The following PDP2 variants were observed in gnomAD, a reference collection of about 807,000 sequenced individuals.
The protein encoded by PDP2 is pyruvate dehydrogenase phosphatase catalytic subunit 2.
PDP2 carries 23 observed loss-of-function variants against 34.2 expected under a neutral mutation model. That is an observed-to-expected ratio of 0.67 (90% confidence interval 0.48 to 0.95). The LOEUF (loss-of-function observed/expected upper bound fraction) is 0.95, where lower values mean the gene tolerates loss of function less well. Ranked by LOEUF, PDP2 falls within the 40% of genes least tolerant of loss-of-function variation. The pLI is 0.00. For synonymous variants in PDP2, 275 were observed against 269.2 expected (o/e 1.02, Z -0.21); for missense variants, 571 against 659.6 (o/e 0.87, Z 1.47).
At chr16:66,881,195 A>G (rs976015485) in intron 1 of PDP2, among the ~76,000 whole-genome samples, 2 of 152,138 alleles carry the variant, frequency 1.3e-5, no homozygotes, top group African/African-American at 2.4e-5. Flanking sequence ...ATCACCCTGC[A>G]CCGCTGCCTG....
rs1241666505 is a variant in PDP2, at chr16:66,885,346, G to A, written c.1062G>A (p.Lys354=). 1 of 1,614,172 alleles carries A rather than the reference G, an allele frequency of 6.2e-7. No individual in the cohort carries two copies. The highest frequency in any genetic ancestry group is 8.5e-7 in the Non-Finnish European group (1 of 1,180,028). ...GGGCCTTTGGGGATGTTCAGCTGAA[G>A]TGGAGTAAAGAGTTGCAGCGCAGCA... The part of the protein sequence containing the change: ...PCRAFGDVQL[K]WSKELQRSIL... Residue 354 remains lysine, a synonymous_variant, in exon 2 of 2, where the codon AAG becomes AAA. Transcript: ENST00000311765. This position sits in a 1 kb window ranked among gnomAD's most constrained non-coding sequence, Gnocchi z 4.6.
chr16:66,882,120 A>C (rs1358548430), intron 1 of PDP2, among the ~76,000 whole-genome samples: 1 of 152,262 alleles, frequency 6.6e-6, no homozygotes, highest in Non-Finnish European at 1.5e-5. Context: ...TCTTATCAGG[A>C]AAGCCAGATT....
rs145527465 is a variant in PDP2 at position 66,884,551 on chromosome 16, C to T, written c.267C>T (p.Gly89=). 18 of 1,614,052 alleles carry T rather than the reference C, an allele frequency of 1.1e-5. No individual in the cohort carries two copies. The highest frequency in any genetic ancestry group is 2.7e-5 in the African/African-American group (2 of 74,912). ...PEQINEVLRA[G]ETTHKILDLE... is the part of the protein sequence containing the mutation. ...AGATAAATGAAGTGCTTCGAGCTGGCGAGACAACCCACAAGATTCTTGACC... is the reference window on the plus strand; with the variant it reads ...AGATAAATGAAGTGCTTCGAGCTGGTGAGACAACCCACAAGATTCTTGACC... Residue 89 remains glycine, a synonymous_variant, in exon 2 of 2, where the codon GGC becomes GGT. Transcript: ENST00000311765.
chr16:66,881,948 C>T (rs932219181), intron 1 of PDP2, among the ~76,000 whole-genome samples: 2 of 152,112 alleles, frequency 1.3e-5, no homozygotes, highest in South Asian at 2.1e-4. Context: ...TCCCAAAATG[C>T]TGAGATTATA....
In PDP2 at chr16:66,885,328, T is replaced by C; in HGVS notation, c.1044T>C (p.Phe348=). The C allele has an allele frequency of 6.2e-7, 1 of 1,614,004 alleles. No homozygotes were observed. The highest frequency in any genetic ancestry group is 8.5e-7 in the Non-Finnish European group (1 of 1,179,916). ...GCGTCCTCATCCCCTGCAGGGCCTT[T>C]GGGGATGTTCAGCTGAAGTGGAGTA... The part of the protein sequence containing the change: ...LLGVLIPCRA[F]GDVQLKWSKE... Residue 348 remains phenylalanine, a synonymous_variant, in exon 2 of 2, where the codon TTT becomes TTC. Transcript: ENST00000311765. The surrounding 1 kb of genome is among the most constrained non-coding windows in gnomAD (Gnocchi z 4.6).
At position 66,885,166 on chromosome 16, in the gene PDP2, A is replaced by G. The variant is rs781201056; in HGVS notation, c.882A>G (p.Gln294=). 6.2e-7 allele frequency: 1 copy of G among 1,614,002 alleles called. No homozygotes were observed. The highest frequency in any genetic ancestry group is 1.1e-5 in the South Asian group (1 of 91,092). ...AGDCRAILGV[Q]EDNGMWSCLP... ...ACTGCCGAGCCATCCTTGGTGTCCA[A>G]GAGGACAATGGCATGTGGTCTTGTC... Residue 294 remains glutamine, a synonymous_variant, in exon 2 of 2, where the codon CAA becomes CAG. Coordinates refer to ENST00000311765, the MANE Select transcript of PDP2 (RefSeq NM_020786.4). This position sits in a 1 kb window ranked among gnomAD's most constrained non-coding sequence, Gnocchi z 4.6.
chr16:66,881,834 C>T (rs1366042053), intron 1 of PDP2, among the ~76,000 whole-genome samples: 1 of 152,112 alleles, frequency 6.6e-6, no homozygotes, highest in Admixed American at 6.6e-5. Flanking sequence ...GCACTTACCA[C>T]CATGCCCAGC....
intron 1 of PDP2, among the ~76,000 whole-genome samples, chr16:66,883,845 A>G (rs909432844): frequency 3.9e-5 from 6 of 152,170 alleles, no homozygotes; most frequent in African/African-American, 1.4e-4. Flanking sequence ...TGTTCAGGAT[A>G]TTAGCAAATG....
In PDP2 at chr16:66,890,296, A is replaced by C. The variant is rs936248843; in HGVS notation, c.*4422A>C. On this transcript the variant is annotated 3_prime_UTR_variant, in exon 2 of 2. Coordinates refer to ENST00000311765, the MANE Select transcript of PDP2 (RefSeq NM_020786.4). ...ACTCCATCTCAAAAAAACAAAAACA[A>C]AAAACAAACTCAAATTAGCATGATA... 3 of 152,190 alleles carry C rather than the reference A, an allele frequency of 2.0e-5. No homozygotes were observed. The highest frequency in any genetic ancestry group is 7.2e-5 in the African/African-American group (3 of 41,440). 9.4% of individuals were successfully genotyped at this position (152,190 alleles called of 1,614,324 possible). A position where few individuals can be genotyped will look rare whatever the true frequency, so the allele number is the denominator to read the frequency against.
chr16:66,886,405 C>CTTTTTTTTTTTT lies in PDP2; in HGVS notation c.*541_*542insTTTTTTTTTTTT. On this transcript the variant is annotated 3_prime_UTR_variant, in exon 2 of 2. Coordinates refer to ENST00000311765, the MANE Select transcript of PDP2 (RefSeq NM_020786.4). ...GACCCTTTTCTATGCAATATCCTAA[C>CTTTTTTTTTTTT]TTTTTTTTTTGTGATTATGCTTGTG... 9.2e-6 allele frequency: 3 copies of CTTTTTTTTTTTT among 327,858 alleles called. No individual in the cohort carries two copies. Among genetic ancestry groups the CTTTTTTTTTTTT allele is most frequent in the South Asian group, 2.5e-5 (1 of 40,424 alleles). 20.3% of individuals were successfully genotyped at this position (327,858 alleles called of 1,614,324 possible).
At position 66,880,528 on chromosome 16, in the gene PDP2, G is replaced by A. The variant is rs1404959582; in HGVS notation, c.-167G>A. The A allele has an allele frequency of 3.9e-5, 6 of 152,840 alleles. No homozygotes were observed. The highest frequency in any genetic ancestry group is 1.4e-4 in the African/African-American group (6 of 41,454). The allele number at this position is 152,840 out of a possible 1,614,324, so 9.5% of individuals were successfully genotyped here. ...GGAGGGCGCTTCCTTCTGGAGCTGG[G>A]TCCTGACTAGGGACCGCCTGGGTGA... On this transcript the variant is annotated 5_prime_UTR_variant, in exon 1 of 2. Coordinates refer to ENST00000311765, the MANE Select transcript of PDP2 (RefSeq NM_020786.4).
Position 66,884,426 on chromosome 16 carries a change from A to T in PDP2, c.142A>T (p.Thr48Ser). The T allele has an allele frequency of 6.2e-7, 1 of 1,614,152 alleles. No homozygotes were observed. Among genetic ancestry groups the T allele is most frequent in the South Asian group, 1.1e-5 (1 of 91,092 alleles). The change falls in exon 2 of 2, where the codon ACC (threonine) becomes TCC (serine). Residue 48 changes from threonine (T) to serine (S), a missense_variant. By Grantham distance (58) the Thr-to-Ser change is moderately conservative. Coordinates refer to ENST00000311765, the MANE Select transcript of PDP2 (RefSeq NM_020786.4). ...KWRLFSRVPPTLNSSPCGGFT... is the reference protein window; with the variant it reads ...KWRLFSRVPPSLNSSPCGGFT... Reference sequence around the variant, plus strand: ...GAGGCTCTTTTCCCGGGTGCCACCCACCCTAAACAGTTCCCCATGTGGTGG... The same window carrying T: ...GAGGCTCTTTTCCCGGGTGCCACCCTCCCTAAACAGTTCCCCATGTGGTGG...
chr16:66,885,543 A>G lies in PDP2; in HGVS notation c.1259A>G (p.Asn420Ser). Residue 420 changes from asparagine (N) to serine (S), a missense_variant, in exon 2 of 2, where the codon AAT (asparagine) becomes AGT (serine). Asn to Ser is a conservative substitution (Grantham distance 46). Around this residue, in one of 2 missense-constraint regions of PDP2, gnomAD observed 281 missense variants for 375.8 expected, o/e 0.75. Coordinates refer to ENST00000311765, the MANE Select transcript of PDP2 (RefSeq NM_020786.4). This position sits in a 1 kb window ranked among gnomAD's most constrained non-coding sequence, Gnocchi z 4.6. ...GATGGCCTGTGGGACATGCTGAGCAATGAGGACGTGGTAAGGCTGGTGGTG... is the reference window on the plus strand; with the variant it reads ...GATGGCCTGTGGGACATGCTGAGCAGTGAGGACGTGGTAAGGCTGGTGGTG... ...ASDGLWDMLS[N>S]EDVVRLVVGH... The G allele has an allele frequency of 6.2e-7, 1 of 1,614,108 alleles. No individual in the cohort carries two copies.
chr16:66,885,636 T>G lies in PDP2; in HGVS notation c.1352T>G (p.Met451Arg), dbSNP rs374976204. The change falls in exon 2 of 2, where the codon ATG (methionine) becomes AGG (arginine). Residue 451 changes from methionine (M) to arginine (R), a missense_variant. Met to Arg is a moderately conservative substitution (Grantham distance 91). Transcript: ENST00000311765. This position sits in a 1 kb window ranked among gnomAD's most constrained non-coding sequence, Gnocchi z 4.6. ...CAGAGACCCGCCAACTTGGGGCTCA[T>G]GCAGAGCCTGCTGCTGCAGAGGAAA... ...LAQRPANLGL[M>R]QSLLLQRKAS... 8 of 1,613,908 alleles carry G rather than the reference T, an allele frequency of 5.0e-6. No homozygotes were observed. The highest frequency in any genetic ancestry group is 4.0e-5 in the African/African-American group (3 of 74,910).
rs891946866 is a variant in PDP2 at position 66,887,944 on chromosome 16, C to A, written c.*2070C>A. ...TCCAGCCTGGGCAACAAGAGTGAAA[C>A]TCTGTCTCAAAAAAAAAAAAAAAAA... On this transcript the variant is annotated 3_prime_UTR_variant, in exon 2 of 2. Transcript: ENST00000311765. 7.7e-6 allele frequency: 1 copy of A among 129,918 alleles called. No individual in the cohort carries two copies. Among genetic ancestry groups the A allele is most frequent in the Non-Finnish European group, 1.6e-5 (1 of 63,858 alleles). The allele number at this position is 129,918 out of a possible 1,614,324, so 8.0% of individuals were successfully genotyped here. A position where few individuals can be genotyped will look rare whatever the true frequency, so the allele number is the denominator to read the frequency against.
At chr16:66,883,913 G>A (rs1050879919) in intron 1 of PDP2, among the ~76,000 whole-genome samples, 3 of 152,008 alleles carry the variant, frequency 2.0e-5, no homozygotes, top group Non-Finnish European at 4.4e-5. Context: ...TTTGGCTCAC[G>A]CCTGTAATCC....
intron 1 of PDP2, among the ~76,000 whole-genome samples, chr16:66,882,334 G>T (rs956183441): frequency 5.3e-5 from 8 of 152,258 alleles, no homozygotes; most frequent in African/African-American, 1.9e-4. Flanking sequence ...TATGTAGGAG[G>T]CTGAGGCAGG....
rs770309414 is a variant in PDP2, at chr16:66,884,414, CG to C, written c.133del (p.Val45CysfsTer5). 1.2e-6 allele frequency: 2 copies of C among 1,614,074 alleles called. No homozygotes were observed. The highest frequency in any genetic ancestry group is 1.7e-6 in the Non-Finnish European group (2 of 1,180,006). ...RNKLKWRLFSRVPPTLNSSPC... is the reference protein window; with the variant it reads ...RNKLKWRLFSXVPPTLNSSPC... ...TAAATTAAAATGGAGGCTCTTTTCC[CG>C]GGTGCCACCCACCCTAAACAGTTCC... is the stretch of plus-strand genomic sequence containing the variant. On this transcript the variant is annotated frameshift_variant, in exon 2 of 2. Coordinates refer to ENST00000311765, the MANE Select transcript of PDP2 (RefSeq NM_020786.4). LOFTEE classifies it high-confidence loss of function.
In PDP2 at chr16:66,886,818, C is replaced by T. The variant is rs773407815; in HGVS notation, c.*944C>T. Reference sequence around the variant, plus strand: ...CCTCTGCTATGCTGAACCCCTCATTCACCCTGCACCTGCCAACTGCAAAAT... The same window carrying T: ...CCTCTGCTATGCTGAACCCCTCATTTACCCTGCACCTGCCAACTGCAAAAT... On this transcript the variant is annotated 3_prime_UTR_variant, in exon 2 of 2. Transcript: ENST00000311765. 1.6e-5 allele frequency: 3 copies of T among 187,830 alleles called. No homozygotes were observed. Among genetic ancestry groups the T allele is most frequent in the Non-Finnish European group, 2.5e-5 (2 of 78,946 alleles). The allele number at this position is 187,830 out of a possible 1,614,324, so 11.6% of individuals were successfully genotyped here.
Sources: allele counts gnomAD v4.1 joint callset (sites outside exome capture counted in the v4.1 genomes callset), GRCh38; gene constraint gnomAD v4.1.1; regional missense constraint gnomAD v4.1.1; non-coding constraint Gnocchi (gnomAD v3.1); transcripts MANE v1.5; gene names NCBI Gene and HGNC (gene_info 2026-07-23, HGNC 2026-07-21).